ADGRL3: variants seen among roughly 807,000 people sequenced by gnomAD.
The protein encoded by ADGRL3 is calcium-independent alpha-latrotoxin receptor 3.
ADGRL3 carries 62 observed loss-of-function variants against 153.5 expected under a neutral mutation model. That is an observed-to-expected ratio of 0.40 (90% confidence interval 0.33 to 0.50). The LOEUF is 0.50. Among genes scored for constraint, ADGRL3 ranks in the 20% least tolerant of loss-of-function variants. ADGRL3 has a pLI of 0.47. For synonymous variants in ADGRL3, 710 were observed against 672.5 expected, an observed-to-expected ratio of 1.06 and a Z score of -0.86; for missense variants, 1,641 against 1,859.4, an observed-to-expected ratio of 0.88 and a Z score of 2.16.
chr4:61,538,128 T>A (rs1169222334), intron 4 of ADGRL3, among the ~76,000 whole-genome samples: 1 of 152,112 alleles, frequency 6.6e-6, no homozygotes, highest in Non-Finnish European at 1.5e-5. Flanking sequence ...TTCAGTTGGA[T>A]GGGAAATAAA....
intron 21 of ADGRL3, among the ~76,000 whole-genome samples, chr4:62,004,422 G>A (rs909712442): frequency 1.1e-4 from 16 of 151,816 alleles, no homozygotes; most frequent in African/African-American, 3.1e-4. Flanking sequence ...ATGAGTTTGA[G>A]GAAAATTTTT....
intron 8 of ADGRL3, among the ~76,000 whole-genome samples, chr4:61,755,169 T>C (rs576097404): frequency 1.3e-5 from 2 of 152,288 alleles, no homozygotes; most frequent in African/African-American, 2.4e-5. Context: ...GTATTTCTAG[T>C]TCTAGATCCC....
intron 5 of ADGRL3, among the ~76,000 whole-genome samples, chr4:61,651,262 A>G (rs2150384331): frequency 6.6e-6 from 1 of 152,328 alleles, no homozygotes; most frequent in Non-Finnish European, 1.5e-5. Flanking sequence ...TCCAAACAGC[A>G]CAAATGGGAT....
chr4:61,456,224 A>G (rs2152544864), intron 2 of ADGRL3, among the ~76,000 whole-genome samples: 1 of 151,550 alleles, frequency 6.6e-6, no homozygotes, highest in South Asian at 2.1e-4. Flanking sequence ...GAGGATATAT[A>G]TGCTTGGCTA....
chr4:61,833,919 C>T (rs1393803870), intron 9 of ADGRL3, among the ~76,000 whole-genome samples: 1 of 151,084 alleles, frequency 6.6e-6, no homozygotes, highest in Non-Finnish European at 1.5e-5. Flanking sequence ...AGGTCAGATC[C>T]CTTTCACTGT....
chr4:61,413,756 CAACA>C (rs71211382), intron 2 of ADGRL3, among the ~76,000 whole-genome samples: 46,955 of 151,228 alleles, frequency 0.31, 7,387 homozygotes, highest in South Asian at 0.43. Flanking sequence ...AAACAACAAA[CAACA>C]AACAAACAAA....
intron 4 of ADGRL3, among the ~76,000 whole-genome samples, chr4:61,524,523 G>T (rs553394983): frequency 6.6e-6 from 1 of 152,056 alleles, no homozygotes; most frequent in Admixed American, 6.6e-5. Context: ...CTGCTGCAAA[G>T]ATGCTACTAG....
intron 4 of ADGRL3, among the ~76,000 whole-genome samples, chr4:61,577,315 A>G (rs1202966809): frequency 6.6e-6 from 1 of 151,940 alleles, no homozygotes; most frequent in East Asian, 1.9e-4. Context: ...TTGTTGCTTA[A>G]TAACTCCTTT....
chr4:61,268,364 T>C (rs2092972573), intron 1 of ADGRL3, among the ~76,000 whole-genome samples: 3 of 151,674 alleles, frequency 2.0e-5, no homozygotes, highest in African/African-American at 7.2e-5. Context: ...TCTATGTAGA[T>C]GCAAAATGCA....
chr4:62,031,956 TACAC>T (rs146856591), intron 23 of ADGRL3, among the ~76,000 whole-genome samples: 26,465 of 137,690 alleles, frequency 0.19, 2,841 homozygotes, highest in South Asian at 0.35. Flanking sequence ...GCATGAGTTA[TACAC>T]ACACACACAC....
chr4:61,371,627 A>T (rs1466086709), intron 1 of ADGRL3, among the ~76,000 whole-genome samples: 4 of 151,986 alleles, frequency 2.6e-5, no homozygotes, highest in South Asian at 2.1e-4. Flanking sequence ...CTTCCCTTTG[A>T]GGGTAACCCG....
At chr4:61,648,325 T>C (rs2094117664) in intron 5 of ADGRL3, among the ~76,000 whole-genome samples, 1 of 150,296 alleles carries the variant, frequency 6.7e-6, no homozygotes, top group Non-Finnish European at 1.5e-5. Flanking sequence ...TGAGTAGCTT[T>C]TAAGAGTTAG....
chr4:61,660,585 T>C (rs1561018747), intron 5 of ADGRL3, among the ~76,000 whole-genome samples: 1 of 152,156 alleles, frequency 6.6e-6, no homozygotes, highest in Non-Finnish European at 1.5e-5. Flanking sequence ...TCTCCCTAAC[T>C]AAATGGTTTC....
At chr4:61,536,821 C>CT (rs889269134) in intron 4 of ADGRL3, among the ~76,000 whole-genome samples, 2 of 151,798 alleles carry the variant, frequency 1.3e-5, no homozygotes, top group South Asian at 2.1e-4. Context: ...ATGGTAGGCT[C>CT]TTTTTTTTCC....
At chr4:61,501,535 T>C (rs1414396650) in intron 3 of ADGRL3, among the ~76,000 whole-genome samples, 2 of 152,222 alleles carry the variant, frequency 1.3e-5, no homozygotes, top group Non-Finnish European at 2.9e-5. Flanking sequence ...CCTCAGTATC[T>C]ATGTTTTGCC....
intron 21 of ADGRL3, among the ~76,000 whole-genome samples, chr4:62,019,486 G>C (rs908177605): frequency 2.0e-5 from 3 of 151,788 alleles, no homozygotes; most frequent in Non-Finnish European, 2.9e-5. Context: ...TTGTGATGTA[G>C]CTTTTTATGT....
chr4:61,980,679 G>A (rs908124277), intron 18 of ADGRL3, among the ~76,000 whole-genome samples: 7 of 151,990 alleles, frequency 4.6e-5, no homozygotes, highest in East Asian at 3.9e-4. Flanking sequence ...GGATTCAATC[G>A]ATCCACCCGC....
In ADGRL3 at chr4:61,201,015, G is replaced by A. The variant is rs1734503119; in HGVS notation, c.-990G>A. On this transcript the variant is annotated 5_prime_UTR_variant, in exon 1 of 27. Transcript: ENST00000683033. ...CTCCGGCTGTCCGCGGAGGTTGCGG[G>A]CTTGAGAGGGGACCCTCGGCTGGGA... 6.6e-6 allele frequency among the ~76,000 whole-genome samples: 1 copy of A among 152,190 alleles called. No homozygotes were observed. Among genetic ancestry groups the A allele is most frequent in the Non-Finnish European group, 1.5e-5 (1 of 68,024 alleles).
intron 5 of ADGRL3, among the ~76,000 whole-genome samples, chr4:61,652,513 T>G (rs76974169): frequency 0.016 from 2,474 of 152,276 alleles, 76 homozygotes; most frequent in African/African-American, 0.057. Context: ...AATTATAATA[T>G]AACCCATCTC....
Sources: allele counts gnomAD v4.1 joint callset (sites outside exome capture counted in the v4.1 genomes callset), GRCh38; gene constraint gnomAD v4.1.1; transcripts MANE v1.5; gene names NCBI Gene and HGNC (gene_info 2026-07-23, HGNC 2026-07-21).